KDM3A: variants seen among roughly 807,000 people sequenced by gnomAD.
KDM3A encodes lysine demethylase 3A, also known as lysine-specific demethylase 3A.
In KDM3A, 60 loss-of-function variants were observed where a neutral mutation model predicts 158.0. The observed-to-expected ratio is 0.38, with a 90% CI of 0.31 to 0.47. The LOEUF is 0.47. Ranked by LOEUF, KDM3A falls within the 20% of genes least tolerant of loss-of-function variation. KDM3A has a pLI of 0.99. For synonymous variants in KDM3A, 608 were observed against 549.3 expected (o/e 1.11, Z -1.49); for missense variants, 1,319 against 1,574.3 (o/e 0.84, Z 2.74).
In KDM3A at chr2:86,454,090, G is replaced by T. The variant is rs1052839313; in HGVS notation, c.454-995G>T. Among the ~76,000 whole-genome samples the T allele has an allele frequency of 3.3e-5, 5 of 152,296 alleles. No homozygotes were observed. In the Middle Eastern group the frequency reaches 0.01, roughly 313 times the overall value. On this transcript the variant is annotated intron_variant, in intron 4 of 25. Coordinates refer to ENST00000312912, the MANE Select transcript of KDM3A (RefSeq NM_018433.6). ...TGTTTCAGAACTGGCTTACTCTGAC[G>T]CCTTAGGCTATTCATTCAGATTTTC...
chr2:86,454,444 A>G (rs1462672101), intron 4 of KDM3A, among the ~76,000 whole-genome samples: 1 of 152,174 alleles, frequency 6.6e-6, no homozygotes, highest in African/African-American at 2.4e-5. Context: ...GTGGAAAGAG[A>G]TATGTGTACC....
chr2:86,483,922 C>A, intron 18 of KDM3A, 65 bp from the exon 19 acceptor site: 1 of 1,305,158 alleles, frequency 7.7e-7, no homozygotes, highest in Non-Finnish European at 1.1e-6. Flanking sequence ...TGAAGAGGGA[C>A]TGCCTTCGGG....
chr2:86,447,616 T>C (rs1239732079), intron 2 of KDM3A, among the ~76,000 whole-genome samples: 1 of 152,200 alleles, frequency 6.6e-6, no homozygotes, highest in Non-Finnish European at 1.5e-5. Context: ...TACACTGTCT[T>C]TTAAAATATG....
At chr2:86,457,279 T>C (rs1179413370) in intron 8 of KDM3A, among the ~76,000 whole-genome samples, 1 of 152,116 alleles carries the variant, frequency 6.6e-6, no homozygotes, top group Non-Finnish European at 1.5e-5. Context: ...TGCAGGCATG[T>C]GTCATGCATG....
intron 8 of KDM3A, 130 bp from the exon 9 acceptor site, chr2:86,463,923 C>T: frequency 3.4e-6 from 2 of 584,814 alleles, no homozygotes; most frequent in Non-Finnish European, 2.8e-6. Flanking sequence ...TTTCACTTTC[C>T]TGTTTCTTTT....
intron 4 of KDM3A, among the ~76,000 whole-genome samples, chr2:86,453,572 C>T (rs1672560277): frequency 6.6e-6 from 1 of 152,138 alleles, no homozygotes; most frequent in African/African-American, 2.4e-5. Context: ...TAATATTTTT[C>T]TACTTTATTG....
intron 13 of KDM3A, 26 bp from the exon 14 acceptor site, chr2:86,478,144 A>C (rs756760253): frequency 6.2e-7 from 1 of 1,609,892 alleles, no homozygotes; most frequent in African/African-American, 1.3e-5. Context: ...TGTAAAGAAC[A>C]GTTACTACAA....
chr2:86,444,845 CACTT>C (rs1164585933), intron 2 of KDM3A, among the ~76,000 whole-genome samples: 6 of 152,148 alleles, frequency 3.9e-5, no homozygotes, highest in Admixed American at 3.3e-4. Context: ...ATAACAAAAC[CACTT>C]ACTTAGATGA....
At chr2:86,471,430 A>G (rs56055358) in intron 11 of KDM3A, among the ~76,000 whole-genome samples, 20,394 of 151,918 alleles carry the variant, frequency 0.13, 1,496 homozygotes, top group Middle Eastern at 0.16. Context: ...AAATTCTTCT[A>G]TCCTGAGTGA....
At chr2:86,481,585 C>T (rs951754618) in intron 16 of KDM3A, among the ~76,000 whole-genome samples, 2 of 151,514 alleles carry the variant, frequency 1.3e-5, no homozygotes, top group South Asian at 4.2e-4. Context: ...ACTGGAAGTC[C>T]TGGTCAGTGC....
chr2:86,439,140 T>A (rs1000733348), upstream of KDM3A, among the ~76,000 whole-genome samples: 6 of 152,052 alleles, frequency 3.9e-5, no homozygotes, highest in African/African-American at 1.4e-4. Flanking sequence ...ACACTTATAA[T>A]CTTCTTAGTT....
intron 8 of KDM3A, chr2:86,460,831 GGT>G (rs1334415572): frequency 6.6e-6 from 1 of 152,054 alleles, no homozygotes; most frequent in Non-Finnish European, 1.5e-5. Context: ...AAACTCTTCA[GGT>G]AAGAAGAAAC....
chr2:86,439,381 C>T (rs1346213519), upstream of KDM3A, among the ~76,000 whole-genome samples: 2 of 151,982 alleles, frequency 1.3e-5, no homozygotes, highest in Non-Finnish European at 2.9e-5. Context: ...AAAAGAATTT[C>T]CCATCTATGT....
chr2:86,453,338 G>A lies in KDM3A; in HGVS notation c.454-1747G>A, dbSNP rs80141727. On this transcript the variant is annotated intron_variant, in intron 4 of 25. Transcript: ENST00000312912. Reference sequence around the variant, plus strand: ...TAGATATGGGTGTTCACAGTAGGCTGTACGAAATTCCACGTTGGGGGATGT... The same window carrying A: ...TAGATATGGGTGTTCACAGTAGGCTATACGAAATTCCACGTTGGGGGATGT... Among the ~76,000 whole-genome samples, 382 of 152,260 alleles carry A rather than the reference G, an allele frequency of 2.5e-3. 5 individuals are homozygous for A. The highest frequency in any genetic ancestry group is 8.7e-3 in the African/African-American group (363 of 41,550).
At chr2:86,485,920 T>C (rs1047227075) in intron 21 of KDM3A, 61 bp downstream of exon 21, 1 of 1,570,336 alleles carries the variant, frequency 6.4e-7, no homozygotes, top group Non-Finnish European at 8.7e-7. Context: ...TTTGGAAAAT[T>C]GATTTTGTGG....
chr2:86,490,806 C>A, intron 23 of KDM3A, 75 bp from the exon 24 acceptor site: 1 of 1,130,774 alleles, frequency 8.8e-7, no homozygotes, highest in Non-Finnish European at 1.3e-6. Context: ...ACTGCCAACA[C>A]TGTTTAGAGG....
In KDM3A at chr2:86,480,169, T is replaced by C. The variant is rs1171673600; in HGVS notation, c.2319T>C (p.Thr773=). ...KPASKEDLKQ[T]SLAGEKPTLG... Reference sequence around the variant, plus strand: ...TCGTCCTTTAATGCTTAACACAGACTTCTTTAGCTGGAGAAAAACCGACTC... The same window carrying C: ...TCGTCCTTTAATGCTTAACACAGACCTCTTTAGCTGGAGAAAAACCGACTC... Residue 773 remains threonine (T), a splice_region_variant and synonymous_variant, in exon 16 of 26, where the codon ACT becomes ACC. Transcript: ENST00000312912. 1.9e-6 allele frequency: 3 copies of C among 1,612,018 alleles called. No individual in the cohort carries two copies. In the South Asian group the frequency reaches 3.3e-5, roughly 18 times the overall value.
At chr2:86,480,598 G>A (rs1163113664) in intron 16 of KDM3A, among the ~76,000 whole-genome samples, 1 of 152,090 alleles carries the variant, frequency 6.6e-6, no homozygotes, top group East Asian at 1.9e-4. Flanking sequence ...AAGAATTGCA[G>A]GCCACTTCTT....
chr2:86,476,268 A>T (rs777600832), intron 12 of KDM3A, among the ~76,000 whole-genome samples: 1 of 152,224 alleles, frequency 6.6e-6, no homozygotes, highest in Non-Finnish European at 1.5e-5. Context: ...GGAATGTATT[A>T]GTGGCTTTGC....
Sources: gnomAD v4.1 joint callset for allele counts (sites outside exome capture counted in the v4.1 genomes callset) on GRCh38, gnomAD v4.1.1 for gene constraint, MANE v1.5 for transcripts, NCBI Gene and HGNC (gene_info 2026-07-23, HGNC 2026-07-21) for gene names.